KCNIP4: variants seen among roughly 807,000 people sequenced by gnomAD.
The protein encoded by KCNIP4 is Kv channel-interacting protein 4.
Under a neutral mutation model 34.0 loss-of-function variants are expected in KCNIP4, and 12 were observed. The observed-to-expected ratio is 0.35, with a 90% confidence interval of 0.23 to 0.57. The LOEUF (loss-of-function observed/expected upper bound fraction) is 0.57, where lower values mean the gene tolerates loss of function less well. Among genes scored for constraint, KCNIP4 ranks in the 20% least tolerant of loss-of-function variants. KCNIP4 has a pLI of 0.83. For synonymous variants in KCNIP4, 124 were observed against 102.2 expected (o/e 1.21, Z -1.29); for missense variants, 238 against 311.7 (o/e 0.76, Z 1.78).
intron 1 of KCNIP4, among the ~76,000 whole-genome samples, chr4:21,289,732 T>C (rs2109199247): frequency 6.6e-6 from 1 of 152,292 alleles, no homozygotes; most frequent in East Asian, 1.9e-4. Flanking sequence ...GTTCCTCATA[T>C]TAAATAATTC....
rs568062271 is a variant in KCNIP4, at chr4:21,350,098, ATAAAG to A, written c.62-467394_62-467390del. Among the ~76,000 whole-genome samples, 766 of 152,274 alleles carry A rather than the reference ATAAAG, an allele frequency of 5.0e-3. 4 individuals are homozygous for A. Among genetic ancestry groups the A allele is most frequent in the African/African-American group, 0.017 (716 of 41,560 alleles). ...AATAATTACTCTAATTTATTTATTA[ATAAAG>A]TAAATTATTCACCAATTTTGGTATG... On this transcript the variant is annotated intron_variant, in intron 1 of 8. Transcript: ENST00000382152.
At chr4:21,123,034 C>A (rs1241691860) in intron 1 of KCNIP4, among the ~76,000 whole-genome samples, 1 of 151,288 alleles carries the variant, frequency 6.6e-6, no homozygotes, top group Non-Finnish European at 1.5e-5. Context: ...CATGGTGAAA[C>A]CCCATCTCTA....
intron 1 of KCNIP4, among the ~76,000 whole-genome samples, chr4:20,976,113 C>A (rs953733179): frequency 3.9e-5 from 6 of 152,174 alleles, no homozygotes; most frequent in Non-Finnish European, 5.9e-5. Flanking sequence ...GAACACACTG[C>A]AGATACCATG....
chr4:21,453,320 T>C (rs1052764038), intron 1 of KCNIP4, among the ~76,000 whole-genome samples: 2 of 152,112 alleles, frequency 1.3e-5, no homozygotes, highest in Non-Finnish European at 2.9e-5. Flanking sequence ...ACCCTTTATA[T>C]GAAAGAGGTA....
At chr4:21,783,509 T>C (rs4374612) in intron 1 of KCNIP4, among the ~76,000 whole-genome samples, 89,171 of 151,990 alleles carry the variant, frequency 0.59, 28,414 homozygotes, top group Non-Finnish European at 0.73. Flanking sequence ...CTTGATCACA[T>C]TGAAAAATTA....
At chr4:21,599,346 A>G (rs1185485215) in intron 1 of KCNIP4, among the ~76,000 whole-genome samples, 3 of 152,096 alleles carry the variant, frequency 2.0e-5, no homozygotes, top group Non-Finnish European at 4.4e-5. Flanking sequence ...TTTCTATTAT[A>G]ATAATTATGA....
intron 1 of KCNIP4, among the ~76,000 whole-genome samples, chr4:21,128,228 G>A (rs149136341): frequency 6.6e-6 from 1 of 152,328 alleles, no homozygotes; most frequent in East Asian, 1.9e-4. Context: ...GGAAAGTCAA[G>A]GGAAGAAAGT....
chr4:21,354,833 A>T (rs1250241755), intron 1 of KCNIP4, among the ~76,000 whole-genome samples: 8 of 152,222 alleles, frequency 5.3e-5, no homozygotes, highest in Non-Finnish European at 1.2e-4. Flanking sequence ...ACCTGAAATC[A>T]ACAGAATATA....
intron 1 of KCNIP4, among the ~76,000 whole-genome samples, chr4:21,322,856 A>C (rs1714644481): frequency 6.6e-6 from 1 of 152,148 alleles, no homozygotes; most frequent in Non-Finnish European, 1.5e-5. Flanking sequence ...AAGAGAAATA[A>C]CCAGAAATAG....
At chr4:21,248,456 T>C (rs1179291421) in intron 1 of KCNIP4, among the ~76,000 whole-genome samples, 2 of 152,200 alleles carry the variant, frequency 1.3e-5, no homozygotes, top group African/African-American at 4.8e-5. Flanking sequence ...TGGGTTTCTC[T>C]GAATATTCAG....
chr4:21,429,561 A>G (rs1577346995), intron 1 of KCNIP4, among the ~76,000 whole-genome samples: 1 of 152,304 alleles, frequency 6.6e-6, no homozygotes, highest in South Asian at 2.1e-4. Flanking sequence ...AAGCTGCCCA[A>G]CTGTCTTCCA....
At chr4:21,403,098 T>G (rs1304470403) in intron 1 of KCNIP4, among the ~76,000 whole-genome samples, 2 of 152,212 alleles carry the variant, frequency 1.3e-5, no homozygotes, top group Non-Finnish European at 1.5e-5. Flanking sequence ...TGGGAGTTGG[T>G]AACTGTTTCT....
At chr4:21,337,796 G>A (rs904103996) in intron 1 of KCNIP4, among the ~76,000 whole-genome samples, 1 of 152,090 alleles carries the variant, frequency 6.6e-6, no homozygotes, top group Non-Finnish European at 1.5e-5. Flanking sequence ...TTCAAATCTG[G>A]AGTTTCCTAT....
chr4:21,364,983 C>T (rs138272528), intron 1 of KCNIP4, among the ~76,000 whole-genome samples: 8 of 152,172 alleles, frequency 5.3e-5, no homozygotes, highest in African/African-American at 1.9e-4. Flanking sequence ...GGTATTCGTT[C>T]AATCTTGCAG....
intron 1 of KCNIP4, among the ~76,000 whole-genome samples, chr4:21,515,182 A>T (rs11726770): frequency 0.32 from 49,035 of 151,956 alleles, 8,258 homozygotes; most frequent in South Asian, 0.46. Flanking sequence ...CCCCTCAACT[A>T]GGCTGGAGCT....
At chr4:21,093,910 A>G (rs556393832) in intron 1 of KCNIP4, among the ~76,000 whole-genome samples, 76 of 152,094 alleles carry the variant, frequency 5.0e-4, no homozygotes, top group Admixed American at 1.6e-3. Flanking sequence ...GTTAAACCCC[A>G]TCTCTACTAA....
At chr4:21,504,514 AG>A (rs1276931014) in intron 1 of KCNIP4, among the ~76,000 whole-genome samples, 3 of 151,056 alleles carry the variant, frequency 2.0e-5, no homozygotes, top group African/African-American at 7.3e-5. Context: ...AAAGGAAGGA[AG>A]GAAGAAAGCA....
intron 1 of KCNIP4, among the ~76,000 whole-genome samples, chr4:21,799,510 A>T (rs578204346): frequency 6.6e-6 from 1 of 152,360 alleles, no homozygotes; most frequent in African/African-American, 2.4e-5. Context: ...AGGTAGAGGT[A>T]GTGACTAAGA....
chr4:21,180,029 G>GT (rs1052709435), intron 1 of KCNIP4, among the ~76,000 whole-genome samples: 42 of 152,212 alleles, frequency 2.8e-4, no homozygotes, highest in African/African-American at 9.1e-4. Flanking sequence ...AAAAAATAAT[G>GT]TTTTTTTCCA....
Sources: gnomAD v4.1 joint callset for allele counts (sites outside exome capture counted in the v4.1 genomes callset) on GRCh38, gnomAD v4.1.1 for gene constraint, MANE v1.5 for transcripts, NCBI Gene and HGNC (gene_info 2026-07-23, HGNC 2026-07-21) for gene names.